Variants in C19orf53 observed in about 807,000 individuals in gnomAD.
The protein encoded by C19orf53 is leydig cell tumor 10 kDa protein homolog.
A neutral mutation model predicts 6.5 loss-of-function variants in C19orf53; 9 were observed. The observed-to-expected ratio is 1.38, with a 90% CI of 0.83 to 2.40. C19orf53 has a LOEUF of 2.40. Among genes scored for constraint, C19orf53 ranks in the 30% most tolerant of loss-of-function variants. The pLI is 0.00. For synonymous variants in C19orf53, 68 were observed against 52.5 expected, an observed-to-expected ratio of 1.29 and a Z score of -1.27; for missense variants, 166 against 129.7, an observed-to-expected ratio of 1.28 and a Z score of -1.36.
chr19:13,776,124 ATTTTT>A (rs57201742), intron 2 of C19orf53, among the ~76,000 whole-genome samples: 983 of 84,916 alleles, frequency 0.012, 27 homozygotes, highest in African/African-American at 0.041. Flanking sequence ...CACCGGGCTA[ATTTTT>A]TTTTTTTTTT....
Position 13,774,473 on chromosome 19 carries a change from G to A in C19orf53, c.-5G>A, listed in dbSNP as rs1169149442. The A allele has an allele frequency of 2.5e-6, 4 of 1,598,428 alleles. No individual in the cohort carries two copies. The highest frequency in any genetic ancestry group is 1.3e-5 in the African/African-American group (1 of 74,412). ...AGTCCCGCCTCTTCCGCTGCGTGCCGGACCATGGCGCAGGGGCAGCGCAAG... is the reference window on the plus strand; with the variant it reads ...AGTCCCGCCTCTTCCGCTGCGTGCCAGACCATGGCGCAGGGGCAGCGCAAG... On this transcript the variant is annotated 5_prime_UTR_variant, in exon 1 of 3. Coordinates refer to ENST00000588234, the MANE Select transcript of C19orf53 (RefSeq NM_014047.3).
At position 13,778,567 on chromosome 19, in the gene C19orf53, A is replaced by C; in HGVS notation, c.*369A>C. On this transcript the variant is annotated 3_prime_UTR_variant, in exon 3 of 3. Coordinates refer to ENST00000588234, the MANE Select transcript of C19orf53 (RefSeq NM_014047.3). ...CCCCACCCCACCGCCTTTAGCAACC[A>C]TGTGCCCAGGGGACAGCTGGGCTTC... is the stretch of plus-strand genomic sequence containing the variant. 1.8e-5 allele frequency: 3 copies of C among 163,674 alleles called. No homozygotes were observed. Among genetic ancestry groups the C allele is most frequent in the Non-Finnish European group, 2.6e-5 (2 of 75,794 alleles). The allele number at this position is 163,674 out of a possible 1,614,324, so 10.1% of individuals were successfully genotyped here.
intron 2 of C19orf53, among the ~76,000 whole-genome samples, chr19:13,776,854 C>T (rs896233944): frequency 5.9e-5 from 9 of 152,214 alleles, no homozygotes; most frequent in African/African-American, 2.2e-4. Flanking sequence ...TTATATTGTC[C>T]CGGTACATGC....
chr19:13,774,892 G>A (rs769087616), intron 2 of C19orf53, 185 bp downstream of exon 2: 1 of 760,464 alleles, frequency 1.3e-6, no homozygotes, highest in Non-Finnish European at 2.1e-6. Context: ...GGAGCCCGGG[G>A]CGCAGAGAGG....
rs1974394884 is a variant in C19orf53, at chr19:13,778,694, C to G, written c.*496C>G. Reference sequence around the variant, plus strand: ...CAGTCCTCACCCCTGGGGACACAACCAGAGTCAAGCTGGACATCAGTAGGT... The same window carrying G: ...CAGTCCTCACCCCTGGGGACACAACGAGAGTCAAGCTGGACATCAGTAGGT... On this transcript the variant is annotated 3_prime_UTR_variant, in exon 3 of 3. Coordinates refer to ENST00000588234, the MANE Select transcript of C19orf53 (RefSeq NM_014047.3). Among the ~76,000 whole-genome samples, 1 of 152,190 alleles carries G rather than the reference C, an allele frequency of 6.6e-6. No homozygotes were observed. The highest frequency in any genetic ancestry group is 2.4e-5 in the African/African-American group (1 of 41,442).
chr19:13,774,881 T>A, intron 2 of C19orf53, 174 bp downstream of exon 2: 1 of 846,522 alleles, frequency 1.2e-6, no homozygotes, highest in Non-Finnish European at 1.8e-6. Context: ...GAGCGAAGGA[T>A]GGAGCCCGGG....
chr19:13,776,471 C>T (rs1908684374), intron 2 of C19orf53, among the ~76,000 whole-genome samples: 1 of 152,112 alleles, frequency 6.6e-6, no homozygotes, highest in Admixed American at 6.6e-5. Context: ...CCCTCCTTGG[C>T]TCAGAATCCT....
intron 2 of C19orf53, 92 bp downstream of exon 2, chr19:13,774,799 G>C (rs1441487272): frequency 6.7e-7 from 1 of 1,482,634 alleles, no homozygotes; most frequent in East Asian, 2.3e-5. Flanking sequence ...GGAGCCCGGG[G>C]ATCAGTGAGG....
chr19:13,776,312 C>T (rs773281435), intron 2 of C19orf53, among the ~76,000 whole-genome samples: 6 of 151,800 alleles, frequency 4.0e-5, no homozygotes, highest in Non-Finnish European at 5.9e-5. Context: ...AGAATCCACC[C>T]GCCTCCCATC....
At chr19:13,774,619 T>G in intron 1 of C19orf53, 33 bp from the exon 2 acceptor site, 1 of 1,613,636 alleles carries the variant, frequency 6.2e-7, no homozygotes, top group Non-Finnish European at 8.5e-7. Flanking sequence ...GACCCCCGGC[T>G]TCCCGGCCTC....
chr19:13,774,527 A>G lies in C19orf53; in HGVS notation c.50A>G (p.Lys17Arg). ...CAGGCGCACAAACCCGCAAAGAGTA[A>G]GACGGCAGCGGCAGCCTCTGAAAAG... ...KFQAHKPAKSKTAAAASEKNR... is the reference protein window; with the variant it reads ...KFQAHKPAKSRTAAAASEKNR... Residue 17 changes from lysine (K) to arginine (R), a missense_variant, in exon 1 of 3, where the codon AAG becomes AGG. Coordinates refer to ENST00000588234, the MANE Select transcript of C19orf53 (RefSeq NM_014047.3). 1 of 1,613,880 alleles carries G rather than the reference A, an allele frequency of 6.2e-7. No individual in the cohort carries two copies. The highest frequency in any genetic ancestry group is 1.3e-5 in the African/African-American group (1 of 75,058).
rs780262290 is a variant in C19orf53 at position 13,778,042 on chromosome 19, T to C, written c.154-10T>C. ...GGTCACAATCTGACTGCCCCGTGCTTCTCCCTCAGAACCTAGAAGTCGGAA... is the reference window on the plus strand; with the variant it reads ...GGTCACAATCTGACTGCCCCGTGCTCCTCCCTCAGAACCTAGAAGTCGGAA... On this transcript the variant is annotated splice_polypyrimidine_tract_variant and intron_variant, in intron 2 of 2. Transcript: ENST00000588234. The C allele has an allele frequency of 1.2e-6, 2 of 1,603,126 alleles. No individual in the cohort carries two copies. The highest frequency in any genetic ancestry group is 1.7e-6 in the Non-Finnish European group (2 of 1,173,724).
intron 2 of C19orf53, among the ~76,000 whole-genome samples, chr19:13,776,786 C>T (rs989853817): frequency 6.6e-6 from 1 of 152,184 alleles, no homozygotes; most frequent in African/African-American, 2.4e-5. Flanking sequence ...CCTGTTTCCT[C>T]TTTGCCATAG....
At chr19:13,777,730 G>A (rs1047029476) in intron 2 of C19orf53, among the ~76,000 whole-genome samples, 2 of 152,216 alleles carry the variant, frequency 1.3e-5, no homozygotes, top group Non-Finnish European at 2.9e-5. Flanking sequence ...TGGGACCAGA[G>A]GCTGTGGGCA....
At position 13,774,506 on chromosome 19, in the gene C19orf53, C is replaced by T; in HGVS notation, c.29C>T (p.Ala10Val). 7 of 1,612,574 alleles carry T rather than the reference C, an allele frequency of 4.3e-6. No individual in the cohort carries two copies. Among genetic ancestry groups the T allele is most frequent in the Non-Finnish European group, 5.9e-6 (7 of 1,179,378 alleles). The change falls in exon 1 of 3, where the codon GCG becomes GTG. Residue 10 changes from alanine (A) to valine (V), a missense_variant. Coordinates refer to ENST00000588234, the MANE Select transcript of C19orf53 (RefSeq NM_014047.3). MAQGQRKFQAHKPAKSKTAA... is the reference protein window; with the variant it reads MAQGQRKFQVHKPAKSKTAA... Reference sequence around the variant, plus strand: ...GCGCAGGGGCAGCGCAAGTTTCAGGCGCACAAACCCGCAAAGAGTAAGACG... The same window carrying T: ...GCGCAGGGGCAGCGCAAGTTTCAGGTGCACAAACCCGCAAAGAGTAAGACG...
At position 13,778,077 on chromosome 19, in the gene C19orf53, A is replaced by T; in HGVS notation, c.179A>T (p.Lys60Met). Residue 60 changes from lysine (K) to methionine (M), a missense_variant, in exon 3 of 3, where the codon AAG (lysine) becomes ATG (methionine). Coordinates refer to ENST00000588234, the MANE Select transcript of C19orf53 (RefSeq NM_014047.3). ...AACCTAGAAGTCGGAATCCGGAAGA[A>T]GATCGAACATGACGTGGTGATGAAA... ...KKNLEVGIRK[K>M]IEHDVVMKAS... 1 of 1,612,404 alleles carries T rather than the reference A, an allele frequency of 6.2e-7. No homozygotes were observed. Among genetic ancestry groups the T allele is most frequent in the Non-Finnish European group, 8.5e-7 (1 of 1,178,956 alleles).
chr19:13,774,777 G>T, intron 2 of C19orf53, 70 bp downstream of exon 2: 1 of 1,536,458 alleles, frequency 6.5e-7, no homozygotes, highest in Middle Eastern at 1.8e-4. Context: ...AGGACGGCGA[G>T]GGGGGATGGG....
chr19:13,775,622 G>C (rs909479855), intron 2 of C19orf53: 1 of 152,102 alleles, frequency 6.6e-6, no homozygotes, highest in African/African-American at 2.4e-5. Flanking sequence ...GGGTAAGGTT[G>C]AGCTTGTAAA....
At chr19:13,774,754 G>A (rs1974348247) in intron 2 of C19orf53, 47 bp downstream of exon 2, 1 of 1,566,126 alleles carries the variant, frequency 6.4e-7, no homozygotes, top group African/African-American at 1.4e-5. Context: ...GAGTAGCGAG[G>A]GGTGGAACCC....
Sources: gnomAD v4.1 joint callset for allele counts (sites outside exome capture counted in the v4.1 genomes callset) on GRCh38, gnomAD v4.1.1 for gene constraint, MANE v1.5 for transcripts, NCBI Gene and HGNC (gene_info 2026-07-23, HGNC 2026-07-21) for gene names.